The following TMEM63C variants were observed in gnomAD, a reference collection of about 807,000 sequenced individuals.
The protein encoded by TMEM63C is transmembrane protein 63C, also known as osmosensitive cation channel TMEM63C.
TMEM63C carries 32 observed loss-of-function variants against 99.2 expected under a neutral mutation model. The observed-to-expected ratio is 0.32, with a 90% CI of 0.24 to 0.43. TMEM63C has a LOEUF of 0.43. Ranked by LOEUF, TMEM63C falls within the 20% of genes least tolerant of loss-of-function variation. The probability of loss-of-function intolerance (pLI) is 1.00; values close to 1 mark genes in which losing one functional copy is unlikely to be tolerated. For missense variants in TMEM63C, 826 were observed against 1,053.0 expected, an observed-to-expected ratio of 0.78 and a Z score of 2.98; for synonymous variants, 376 against 397.9, an observed-to-expected ratio of 0.94 and a Z score of 0.66.
chr14:77,246,074 A>G (rs1889264563), intron 17 of TMEM63C, 48 bp downstream of exon 17: 2 of 1,416,950 alleles, frequency 1.4e-6, no homozygotes, highest in African/African-American at 1.4e-5. Flanking sequence ...GCTCTCTTAG[A>G]GTTAAGACCT....
chr14:77,250,601 C>T lies in TMEM63C; in HGVS notation c.2038+1143C>T, dbSNP rs1172935808. 3.3e-5 allele frequency among the ~76,000 whole-genome samples: 5 copies of T among 151,886 alleles called. No individual in the cohort carries two copies. In the East Asian group the frequency reaches 9.7e-4, roughly 29 times the overall value. On this transcript the variant is annotated intron_variant, in intron 21 of 23. Transcript: ENST00000298351. ...ACTACAGGCGGGTGCCACCACGCCCCGCTAATTTTTTGTATTTTAGTAGAG... is the reference window on the plus strand; with the variant it reads ...ACTACAGGCGGGTGCCACCACGCCCTGCTAATTTTTTGTATTTTAGTAGAG...
intron 17 of TMEM63C, 148 bp downstream of exon 17, chr14:77,246,174 C>G: frequency 1.4e-6 from 1 of 699,404 alleles, no homozygotes; most frequent in Non-Finnish European, 2.6e-6. Flanking sequence ...TAGCATGAGC[C>G]GGGCTTCCTG....
chr14:77,220,111 C>A (rs764717234), intron 5 of TMEM63C, 24 bp downstream of exon 5: 6 of 1,548,872 alleles, frequency 3.9e-6, no homozygotes, highest in African/African-American at 2.7e-5. Context: ...GCGGTCTGGG[C>A]GGTGGGAGTC....
At chr14:77,242,300 C>A (rs746656583) in intron 13 of TMEM63C, 47 bp from the exon 14 acceptor site, 1 of 1,580,400 alleles carries the variant, frequency 6.3e-7, no homozygotes, top group South Asian at 1.1e-5. Flanking sequence ...TAAGCCCATC[C>A]CCCCACCCCC....
chr14:77,247,261 C>T (rs1045636346), intron 18 of TMEM63C, among the ~76,000 whole-genome samples: 9 of 151,992 alleles, frequency 5.9e-5, no homozygotes, highest in East Asian at 3.8e-4. Context: ...AGTGCAGTGG[C>T]GCAATCTCGG....
chr14:77,256,927 T>G lies in TMEM63C; in HGVS notation c.*201T>G. On this transcript the variant is annotated 3_prime_UTR_variant, in exon 24 of 24. Transcript: ENST00000298351. Reference sequence around the variant, plus strand: ...GGCTGGAACTGGGGGTGCTCGGCAGTGCTGAAGGAGCCTGGGAAGGGATGG... The same window carrying G: ...GGCTGGAACTGGGGGTGCTCGGCAGGGCTGAAGGAGCCTGGGAAGGGATGG... 1 of 589,022 alleles carries G rather than the reference T, an allele frequency of 1.7e-6. No individual in the cohort carries two copies. Among genetic ancestry groups the G allele is most frequent in the Non-Finnish European group, 3.0e-6 (1 of 332,856 alleles). 36.5% of individuals were successfully genotyped at this position (589,022 alleles called of 1,614,324 possible). A position where few individuals can be genotyped will look rare whatever the true frequency, so the allele number is the denominator to read the frequency against.
At chr14:77,233,635 T>C (rs1009830075) in intron 8 of TMEM63C, 135 bp downstream of exon 8, 2 of 875,968 alleles carry the variant, frequency 2.3e-6, no homozygotes, top group Non-Finnish European at 3.7e-6. Flanking sequence ...AATCGGGTCC[T>C]GAGTGAGATG....
rs1464951783 is a variant in TMEM63C, at chr14:77,218,909, G to T, written c.96G>T (p.Gly32=). The stretch of plus-strand genomic sequence containing the variant: ...AGTCTCGGAACACCGTCCTCCAGGG[G>T]CAGCCCTTTGGGGGTGTCCCCACCG... ...CFQSRNTVLQ[G]QPFGGVPTVL... Residue 32 remains glycine, a synonymous_variant, in exon 3 of 24, where the codon GGG becomes GGT. Coordinates refer to ENST00000298351, the MANE Select transcript of TMEM63C (RefSeq NM_020431.4). 7 of 1,611,304 alleles carry T rather than the reference G, an allele frequency of 4.3e-6. No individual in the cohort carries two copies. The Admixed American group carries it at 5.0e-5, about 12-fold the overall frequency.
In TMEM63C at chr14:77,255,144, T is replaced by C. The variant is rs551652536; in HGVS notation, c.2221-1382T>C. 6.6e-5 allele frequency among the ~76,000 whole-genome samples: 10 copies of C among 152,146 alleles called. No homozygotes were observed. The East Asian group carries it at 1.9e-3, about 29-fold the overall frequency. On this transcript the variant is annotated intron_variant, in intron 23 of 23. Transcript: ENST00000298351. ...TAGCTGGGATTACAGGCACATGCCATCACACCTGGCTAATTTTTGTATTTT... is the reference window on the plus strand; with the variant it reads ...TAGCTGGGATTACAGGCACATGCCACCACACCTGGCTAATTTTTGTATTTT...
intron 13 of TMEM63C, among the ~76,000 whole-genome samples, chr14:77,240,941 T>C (rs55702047): frequency 0.4 from 41,591 of 104,230 alleles, 7,278 homozygotes; most frequent in African/African-American, 0.61. Context: ...CTTTTTTTTT[T>C]TTTTTCTTTT....
chr14:77,225,582 C>T lies in TMEM63C; in HGVS notation c.350+121C>T, dbSNP rs577485397. Reference sequence around the variant, plus strand: ...CAGGGCCTGAGCTCCGTATCCTCCCCGCCACCTCGGCCCATTACCAGTGAA... The same window carrying T: ...CAGGGCCTGAGCTCCGTATCCTCCCTGCCACCTCGGCCCATTACCAGTGAA... On this transcript the variant is annotated intron_variant, in intron 6 of 23. Transcript: ENST00000298351. 9.4e-4 allele frequency: 913 copies of T among 970,686 alleles called. 8 individuals are homozygous for T. The African/African-American group carries it at 0.013, about 14-fold the overall frequency. The allele number at this position is 970,686 out of a possible 1,614,324, so 60.1% of individuals were successfully genotyped here.
At chr14:77,195,850 G>C (rs1260898170) in intron 1 of TMEM63C, among the ~76,000 whole-genome samples, 1 of 152,240 alleles carries the variant, frequency 6.6e-6, no homozygotes, top group Non-Finnish European at 1.5e-5. Flanking sequence ...GGCTGGCCTG[G>C]ATTTGGAGCT....
chr14:77,236,459 GGT>G, intron 8 of TMEM63C, among the ~76,000 whole-genome samples, 163 bp from the exon 9 acceptor site: 1 of 145,130 alleles, frequency 6.9e-6, no homozygotes, highest in African/African-American at 2.6e-5. Context: ...TACTGTAATG[GGT>G]TGGGGTCTGG....
rs936145527 is a variant in TMEM63C, at chr14:77,216,355, G to A, written c.-13-2446G>A. On this transcript the variant is annotated intron_variant, in intron 2 of 23. Transcript: ENST00000298351. ...TGGCGCACCCCGAGGCTCCCACCTT[G>A]GATCTCTCCTCTCACTACATTCTCT... Among the ~76,000 whole-genome samples the A allele has an allele frequency of 7.2e-5, 11 of 152,190 alleles. No homozygotes were observed. In the East Asian group the frequency reaches 1.9e-3, roughly 27 times the overall value.
chr14:77,190,654 G>A (rs1221273756), intron 1 of TMEM63C, among the ~76,000 whole-genome samples: 1 of 152,038 alleles, frequency 6.6e-6, no homozygotes, highest in Non-Finnish European at 1.5e-5. Flanking sequence ...TAGCTCAAAA[G>A]AAATAAAAAA....
chr14:77,239,838 T>C, intron 12 of TMEM63C, 112 bp downstream of exon 12: 1 of 1,404,284 alleles, frequency 7.1e-7, no homozygotes, highest in East Asian at 2.5e-5. Flanking sequence ...AGGTCTGCTC[T>C]AGTGCTCCCC....
intron 18 of TMEM63C, 23 bp from the exon 19 acceptor site, chr14:77,248,324 C>T: frequency 1.3e-6 from 2 of 1,587,044 alleles, no homozygotes; most frequent in South Asian, 2.3e-5. Flanking sequence ...CTGTTGCCAC[C>T]TTCCCTCTCC....
chr14:77,204,842 T>C (rs1888368890), intron 1 of TMEM63C, among the ~76,000 whole-genome samples: 1 of 152,134 alleles, frequency 6.6e-6, no homozygotes, highest in Non-Finnish European at 1.5e-5. Context: ...AACTGAGGCA[T>C]AGGGAGGTTA....
chr14:77,193,995 G>A (rs1888156654), intron 1 of TMEM63C, among the ~76,000 whole-genome samples: 1 of 152,128 alleles, frequency 6.6e-6, no homozygotes, highest in African/African-American at 2.4e-5. Context: ...GTATGACGCT[G>A]TCTCAAAACA....
Sources: gnomAD v4.1 joint callset for allele counts (sites outside exome capture counted in the v4.1 genomes callset) on GRCh38, gnomAD v4.1.1 for gene constraint, MANE v1.5 for transcripts, NCBI Gene and HGNC (gene_info 2026-07-23, HGNC 2026-07-21) for gene names.